Variants in RBFOX1 observed in about 807,000 individuals in gnomAD.
RBFOX1 encodes the protein RNA binding fox-1 homolog 1.
Under a neutral mutation model 57.7 loss-of-function variants are expected in RBFOX1, and 8 were observed. The observed-to-expected ratio is 0.14, with a 90% CI of 0.08 to 0.25. The LOEUF (loss-of-function observed/expected upper bound fraction) is 0.25, where lower values mean the gene tolerates loss of function less well. RBFOX1 is among the 10% of genes least tolerant of loss of function. The pLI, the probability that RBFOX1 is intolerant of heterozygous loss-of-function variation, is 1.00. For synonymous variants in RBFOX1, 326 were observed against 222.4 expected (o/e 1.47, Z -4.15); for missense variants, 611 against 548.5 (o/e 1.11, Z -1.14).
chr16:5,346,626 C>T (rs527939425), intron 1 of RBFOX1, among the ~76,000 whole-genome samples: 1 of 152,320 alleles, frequency 6.6e-6, no homozygotes, highest in East Asian at 1.9e-4. Flanking sequence ...CTTATCCCCT[C>T]CTGGGAATTT....
At chr16:6,830,555 C>G (rs922939700) in intron 3 of RBFOX1, among the ~76,000 whole-genome samples, 2 of 152,092 alleles carry the variant, frequency 1.3e-5, no homozygotes, top group Non-Finnish European at 2.9e-5. Context: ...TGGAGGCATT[C>G]TGGTTTGTCA....
intron 3 of RBFOX1, among the ~76,000 whole-genome samples, chr16:5,692,399 T>C (rs1462844403): frequency 1.3e-5 from 2 of 151,844 alleles, no homozygotes; most frequent in Non-Finnish European, 2.9e-5. Flanking sequence ...GTCACACAGC[T>C]GCAAAAAGAT....
chr16:5,881,967 C>T (rs2057775152), intron 4 of RBFOX1, among the ~76,000 whole-genome samples: 1 of 152,208 alleles, frequency 6.6e-6, no homozygotes, highest in African/African-American at 2.4e-5. Context: ...TTGTTAAGCA[C>T]TCCCTTGGTG....
At chr16:7,278,837 C>A (rs537159812) in intron 4 of RBFOX1, among the ~76,000 whole-genome samples, 1 of 152,168 alleles carries the variant, frequency 6.6e-6, no homozygotes, top group African/African-American at 2.4e-5. Flanking sequence ...AATTATGGAG[C>A]TGGGCCAAGG....
intron 3 of RBFOX1, among the ~76,000 whole-genome samples, chr16:6,890,952 T>C (rs773860720): frequency 3.9e-5 from 6 of 152,178 alleles, no homozygotes; most frequent in Non-Finnish European, 7.3e-5. Context: ...ACTGTAAGTG[T>C]TCCCTAGAAT....
intron 2 of RBFOX1, among the ~76,000 whole-genome samples, chr16:6,341,985 T>C (rs1195594276): frequency 6.6e-6 from 1 of 152,200 alleles, no homozygotes; most frequent in Admixed American, 6.5e-5. Context: ...ACCTTAATTC[T>C]CCTTTGCAAT....
intron 3 of RBFOX1, among the ~76,000 whole-genome samples, chr16:5,833,947 T>G (rs1597426642): frequency 6.6e-6 from 1 of 152,320 alleles, no homozygotes; most frequent in Admixed American, 6.5e-5. Flanking sequence ...GTGGCACGTG[T>G]TTGAAGCTCC....
chr16:7,069,856 C>T (rs552684082), intron 4 of RBFOX1, among the ~76,000 whole-genome samples: 1 of 152,324 alleles, frequency 6.6e-6, no homozygotes, highest in South Asian at 2.1e-4. Context: ...TGTTCCCTTA[C>T]ATCACTCCAA....
chr16:6,148,932 C>A (rs1237773784), intron 1 of RBFOX1, among the ~76,000 whole-genome samples: 1 of 151,858 alleles, frequency 6.6e-6, no homozygotes, highest in African/African-American at 2.4e-5. Flanking sequence ...GAAATTTTTT[C>A]ATTAAAAAAT....
chr16:6,540,630 A>G (rs1002107357), intron 2 of RBFOX1, among the ~76,000 whole-genome samples: 8 of 151,752 alleles, frequency 5.3e-5, no homozygotes, highest in African/African-American at 1.9e-4. Flanking sequence ...AAAAAAAAAA[A>G]AAAAAAAACC....
At chr16:6,743,115 A>C (rs2072689664) in intron 3 of RBFOX1, among the ~76,000 whole-genome samples, 2 of 152,232 alleles carry the variant, frequency 1.3e-5, no homozygotes, top group South Asian at 4.1e-4. Context: ...TTTCAAAATA[A>C]GTTATAAAGA....
At chr16:7,474,941 A>T (rs1251526738) in intron 4 of RBFOX1, among the ~76,000 whole-genome samples, 1 of 152,184 alleles carries the variant, frequency 6.6e-6, no homozygotes, top group Admixed American at 6.5e-5. Context: ...GTGTTGGTCA[A>T]AGCACCAATG....
chr16:7,043,012 TC>T (rs2046687131), intron 3 of RBFOX1, among the ~76,000 whole-genome samples: 1 of 152,008 alleles, frequency 6.6e-6, no homozygotes, highest in African/African-American at 2.4e-5. Flanking sequence ...TATTTTGCAA[TC>T]CCAAAGTTCC....
intron 10 of RBFOX1, among the ~76,000 whole-genome samples, chr16:7,613,597 G>A (rs1358827351): frequency 1.3e-5 from 2 of 152,034 alleles, no homozygotes; most frequent in African/African-American, 2.4e-5. Context: ...TCTCAAAAGG[G>A]CAACTGTATT....
chr16:7,029,117 C>G (rs1350706996), intron 3 of RBFOX1, among the ~76,000 whole-genome samples: 2 of 79,760 alleles, frequency 2.5e-5, no homozygotes, highest in African/African-American at 1.2e-4. Context: ...CACACACACA[C>G]ACACATATAC....
intron 3 of RBFOX1, among the ~76,000 whole-genome samples, chr16:5,681,635 C>G (rs1287369802): frequency 6.6e-6 from 1 of 152,018 alleles, no homozygotes; most frequent in African/African-American, 2.4e-5. Context: ...TCAGGTGATC[C>G]ACCCACCTCA....
chr16:5,817,805 T>C (rs1385815262), intron 3 of RBFOX1, among the ~76,000 whole-genome samples: 5 of 151,768 alleles, frequency 3.3e-5, no homozygotes, highest in African/African-American at 7.3e-5. Flanking sequence ...GCCATTCTCC[T>C]GCCTCAGCCT....
chr16:6,952,619 C>G (rs2080995035), intron 3 of RBFOX1, among the ~76,000 whole-genome samples: 1 of 151,550 alleles, frequency 6.6e-6, no homozygotes, highest in African/African-American at 2.4e-5. Context: ...GCCTGGGCAA[C>G]AGAGCAAGAC....
chr16:7,238,077 G>A (rs997970363), intron 4 of RBFOX1, among the ~76,000 whole-genome samples: 1 of 152,206 alleles, frequency 6.6e-6, no homozygotes, highest in Admixed American at 6.5e-5. Flanking sequence ...AGTGAAATGA[G>A]CTTGTCACAA....
Sources: allele counts gnomAD v4.1 joint callset (sites outside exome capture counted in the v4.1 genomes callset), GRCh38; gene constraint gnomAD v4.1.1; transcripts MANE v1.5; gene names NCBI Gene and HGNC (gene_info 2026-07-23, HGNC 2026-07-21).